Variants in MCTP1 observed in about 807,000 individuals in gnomAD.
MCTP1 encodes the protein multiple C2 and transmembrane domain containing 1.
A neutral mutation model predicts 120.6 loss-of-function variants in MCTP1; 69 were observed. That is an observed-to-expected ratio of 0.57 (90% confidence interval 0.47 to 0.70). The LOEUF is 0.70. MCTP1 is among the 30% of genes least tolerant of loss of function. The probability of loss-of-function intolerance (pLI) is 0.00; values close to 1 mark genes in which losing one functional copy is unlikely to be tolerated. For missense variants in MCTP1, 1,203 were observed against 1,248.8 expected (o/e 0.96, Z 0.55); for synonymous variants, 529 against 493.1 (o/e 1.07, Z -0.96).
intron 12 of MCTP1, among the ~76,000 whole-genome samples, chr5:94,880,881 GA>G (rs1799907329): frequency 6.6e-6 from 1 of 152,030 alleles, no homozygotes; most frequent in African/African-American, 2.4e-5. Flanking sequence ...GTAGTAATTA[GA>G]AAATCTTAAT....
At chr5:95,057,413 GT>G (rs1173046745) in intron 1 of MCTP1, among the ~76,000 whole-genome samples, 1 of 151,964 alleles carries the variant, frequency 6.6e-6, no homozygotes, top group Non-Finnish European at 1.5e-5. Flanking sequence ...ATAATTTTTT[GT>G]TTTTATGAAT....
chr5:94,910,226 A>ATATG (rs926754911), intron 9 of MCTP1, among the ~76,000 whole-genome samples: 7 of 151,366 alleles, frequency 4.6e-5, no homozygotes, highest in African/African-American at 7.3e-5. Flanking sequence ...GTGTATACAT[A>ATATG]TATGTATGTA....
At chr5:94,890,885 A>G (rs183030863) in intron 11 of MCTP1, among the ~76,000 whole-genome samples, 14 of 152,302 alleles carry the variant, frequency 9.2e-5, no homozygotes, top group Non-Finnish European at 2.1e-4. Context: ...CTGTAAATCA[A>G]AGGTACTTCT....
intron 17 of MCTP1, among the ~76,000 whole-genome samples, chr5:94,827,042 T>G (rs1012550875): frequency 5.9e-5 from 9 of 152,126 alleles, no homozygotes; most frequent in Middle Eastern, 3.2e-3. Context: ...GCCCATTAGC[T>G]GATACAGTTT....
At chr5:94,910,603 T>C (rs1808292824) in intron 9 of MCTP1, among the ~76,000 whole-genome samples, 1 of 152,166 alleles carries the variant, frequency 6.6e-6, no homozygotes, top group Non-Finnish European at 1.5e-5. Flanking sequence ...TAATCAGCGA[T>C]AGATCAAGGA....
At chr5:94,761,794 C>T (rs530269054) in intron 19 of MCTP1, among the ~76,000 whole-genome samples, 1 of 152,188 alleles carries the variant, frequency 6.6e-6, no homozygotes, top group African/African-American at 2.4e-5. Context: ...CTGGGCTGGC[C>T]TAAAGTCTTG....
intron 5 of MCTP1, among the ~76,000 whole-genome samples, chr5:94,939,249 A>T (rs1244176390): frequency 2.0e-5 from 3 of 152,036 alleles, no homozygotes; most frequent in African/African-American, 7.2e-5. Flanking sequence ...ATCTATAACC[A>T]ACTTTAATCA....
intron 11 of MCTP1, among the ~76,000 whole-genome samples, chr5:94,893,045 C>A (rs1803037423): frequency 6.6e-6 from 1 of 152,078 alleles, no homozygotes; most frequent in African/African-American, 2.4e-5. Flanking sequence ...TATATTTAAA[C>A]ATAGTTCATT....
chr5:94,722,994 A>G (rs1761258408), intron 19 of MCTP1, among the ~76,000 whole-genome samples: 1 of 152,232 alleles, frequency 6.6e-6, no homozygotes, highest in Admixed American at 6.5e-5. Flanking sequence ...GATGAGAAGT[A>G]TGGAGTGGAT....
intron 17 of MCTP1, among the ~76,000 whole-genome samples, chr5:94,813,441 T>G (rs1783857563): frequency 6.6e-6 from 1 of 152,166 alleles, no homozygotes; most frequent in Non-Finnish European, 1.5e-5. Context: ...ATTTACCACA[T>G]TAACCAATAA....
At chr5:95,212,541 C>A (rs895156376) in intron 1 of MCTP1, among the ~76,000 whole-genome samples, 2 of 152,128 alleles carry the variant, frequency 1.3e-5, no homozygotes, top group Non-Finnish European at 2.9e-5. Flanking sequence ...GATACCAAAG[C>A]CGCGCACAGA....
At chr5:94,902,947 T>A (rs1214947402) in intron 10 of MCTP1, among the ~76,000 whole-genome samples, 1 of 152,220 alleles carries the variant, frequency 6.6e-6, no homozygotes, top group East Asian at 1.9e-4. Context: ...CAATTATTTT[T>A]AAAATATTAC....
intron 1 of MCTP1, chr5:95,037,944 CTG>C (rs1004037204): frequency 6.4e-6 from 1 of 156,758 alleles, no homozygotes; most frequent in African/African-American, 2.4e-5. Flanking sequence ...CCTTTGATGA[CTG>C]TGTTAAAGAT....
chr5:94,792,241 C>G (rs936519518), intron 18 of MCTP1: 1 of 153,290 alleles, frequency 6.5e-6, no homozygotes, highest in Admixed American at 6.5e-5. Context: ...CTGCCCTTCT[C>G]CAGGCCACCA....
intron 17 of MCTP1, among the ~76,000 whole-genome samples, chr5:94,803,133 A>G (rs1420156074): frequency 6.6e-6 from 1 of 152,230 alleles, no homozygotes; most frequent in East Asian, 1.9e-4. Flanking sequence ...ATCCATGTTC[A>G]TTAGAGACTA....
At chr5:95,092,067 T>G (rs1490891859) in intron 1 of MCTP1, among the ~76,000 whole-genome samples, 1 of 152,216 alleles carries the variant, frequency 6.6e-6, no homozygotes, top group Non-Finnish European at 1.5e-5. Flanking sequence ...AAGCAGAACA[T>G]TTCACAAAAC....
intron 1 of MCTP1, among the ~76,000 whole-genome samples, chr5:95,165,500 A>C (rs926307765): frequency 6.6e-6 from 1 of 152,214 alleles, no homozygotes; most frequent in Non-Finnish European, 1.5e-5. Context: ...GATCATGAGA[A>C]TCAACAAGTT....
intron 1 of MCTP1, among the ~76,000 whole-genome samples, chr5:95,126,555 C>T (rs970277048): frequency 6.6e-6 from 1 of 152,158 alleles, no homozygotes; most frequent in African/African-American, 2.4e-5. Context: ...CGTATAAACA[C>T]CCCCTGTGTG....
At chr5:94,868,119 G>A (rs923753380) in intron 17 of MCTP1, 20 of 367,488 alleles carry the variant, frequency 5.4e-5, no homozygotes, top group African/African-American at 2.1e-4. Context: ...GATGTCTTGC[G>A]TTCCGGAAAT....
Sources: allele counts gnomAD v4.1 joint callset (sites outside exome capture counted in the v4.1 genomes callset), GRCh38; gene constraint gnomAD v4.1.1; transcripts MANE v1.5; gene names NCBI Gene and HGNC (gene_info 2026-07-23, HGNC 2026-07-21).